Variants in KCND2 observed in about 807,000 individuals in gnomAD.
KCND2 encodes the protein potassium voltage-gated channel subfamily D member 2, also known as A-type voltage-gated potassium channel KCND2.
In KCND2, 16 loss-of-function variants were observed where a neutral mutation model predicts 54.4. The ratio of observed to expected loss-of-function variants is 0.29; its 90% confidence interval spans 0.20 to 0.45. KCND2 has a LOEUF of 0.45. KCND2 is among the 20% of genes least tolerant of loss of function. The probability of loss-of-function intolerance (pLI) is 1.00; values close to 1 mark genes in which losing one functional copy is unlikely to be tolerated. For synonymous variants in KCND2, 317 were observed against 310.7 expected (o/e 1.02, Z -0.21); for missense variants, 486 against 824.2 (o/e 0.59, Z 5.02).
At chr7:120,505,783 G>C (rs1803006718) in intron 1 of KCND2, among the ~76,000 whole-genome samples, 1 of 151,734 alleles carries the variant, frequency 6.6e-6, no homozygotes, top group South Asian at 2.1e-4. Flanking sequence ...TACTATTAGA[G>C]AAGAGTAGGG....
chr7:120,359,958 G>T (rs962561455), intron 1 of KCND2, among the ~76,000 whole-genome samples: 5 of 152,002 alleles, frequency 3.3e-5, no homozygotes, highest in Non-Finnish European at 7.4e-5. Context: ...GTTTCCTGAG[G>T]ACTGCTCAGC....
At chr7:120,534,222 A>G (rs987992084) in intron 1 of KCND2, among the ~76,000 whole-genome samples, 1 of 152,108 alleles carries the variant, frequency 6.6e-6, no homozygotes, top group African/African-American at 2.4e-5. Flanking sequence ...AAGCTTGAAA[A>G]ACATTATCTT....
intron 1 of KCND2, among the ~76,000 whole-genome samples, chr7:120,631,696 T>G (rs1460911471): frequency 6.6e-6 from 1 of 152,188 alleles, no homozygotes; most frequent in Non-Finnish European, 1.5e-5. Flanking sequence ...CTTTTATATC[T>G]GTAAATAGAA....
At chr7:120,699,110 C>T (rs1350135653) in intron 1 of KCND2, among the ~76,000 whole-genome samples, 1 of 151,908 alleles carries the variant, frequency 6.6e-6, no homozygotes, top group African/African-American at 2.4e-5. Flanking sequence ...GAAACCCTGT[C>T]TCCACTAAAA....
chr7:120,356,480 G>A (rs1254531447), intron 1 of KCND2, among the ~76,000 whole-genome samples: 1 of 152,116 alleles, frequency 6.6e-6, no homozygotes, highest in Non-Finnish European at 1.5e-5. Context: ...TCCGGCAGTA[G>A]TATATCATGT....
chr7:120,443,518 TCTC>T (rs1003996299), intron 1 of KCND2, among the ~76,000 whole-genome samples: 1 of 151,960 alleles, frequency 6.6e-6, no homozygotes, highest in Non-Finnish European at 1.5e-5. Context: ...TCCTCAGTGA[TCTC>T]CTCATTGCAG....
intron 1 of KCND2, among the ~76,000 whole-genome samples, chr7:120,515,991 C>G (rs1405407370): frequency 6.6e-6 from 1 of 152,028 alleles, no homozygotes; most frequent in Non-Finnish European, 1.5e-5. Context: ...TTAATTATAC[C>G]TCTTCTCAGC....
intron 1 of KCND2, among the ~76,000 whole-genome samples, chr7:120,300,904 G>T (rs1799577301): frequency 6.6e-6 from 1 of 152,004 alleles, no homozygotes; most frequent in African/African-American, 2.4e-5. Flanking sequence ...TTATTATTTA[G>T]TATTAATATG....
chr7:120,349,428 G>A (rs568113058), intron 1 of KCND2, among the ~76,000 whole-genome samples: 60 of 152,112 alleles, frequency 3.9e-4, no homozygotes, highest in African/African-American at 1.3e-3. Flanking sequence ...TGTCTTTGTT[G>A]TTTAACCCAG....
intron 1 of KCND2, among the ~76,000 whole-genome samples, chr7:120,528,187 T>TA (rs1467103404): frequency 6.6e-6 from 1 of 152,146 alleles, no homozygotes; most frequent in African/African-American, 2.4e-5. Context: ...CATTACTCTT[T>TA]AAATTGGATC....
At chr7:120,635,534 A>T (rs868468015) in intron 1 of KCND2, among the ~76,000 whole-genome samples, 7 of 152,232 alleles carry the variant, frequency 4.6e-5, no homozygotes, top group African/African-American at 1.4e-4. Flanking sequence ...AAAGATTGAA[A>T]GTACAACAAA....
intron 1 of KCND2, among the ~76,000 whole-genome samples, chr7:120,346,557 T>A (rs539140988): frequency 6.6e-6 from 1 of 152,266 alleles, no homozygotes; most frequent in East Asian, 1.9e-4. Context: ...CAAAGACATT[T>A]TAAATAAACG....
At position 120,352,459 on chromosome 7, in the gene KCND2, TACACACACACAC is replaced by T. The variant is rs199700951; in HGVS notation, c.1115+76740_1115+76751del. 1.9e-3 allele frequency among the ~76,000 whole-genome samples: 289 copies of T among 148,218 alleles called. 1 individual carries two copies. The highest frequency in any genetic ancestry group is 3.2e-3 in the Non-Finnish European group (213 of 67,214). ...ATACAAATATATATACACACATACATACACACACACACACACACACACACACACACACACACA... is the reference window on the plus strand; with the variant it reads ...ATACAAATATATATACACACATACATACACACACACACACACACACACACA... On this transcript the variant is annotated intron_variant, in intron 1 of 5. Coordinates refer to ENST00000331113, the MANE Select transcript of KCND2 (RefSeq NM_012281.3).
At chr7:120,307,819 TA>T (rs374754435) in intron 1 of KCND2, among the ~76,000 whole-genome samples, 3 of 152,158 alleles carry the variant, frequency 2.0e-5, no homozygotes, top group African/African-American at 7.2e-5. Flanking sequence ...TTCTCTGGGC[TA>T]TTTCATTAAC....
chr7:120,548,699 C>T (rs975849880), intron 1 of KCND2, among the ~76,000 whole-genome samples: 2 of 152,124 alleles, frequency 1.3e-5, no homozygotes, highest in African/African-American at 2.4e-5. Context: ...GTAGCTTTCC[C>T]TCAGGAAGTA....
chr7:120,552,588 T>G (rs556616583), intron 1 of KCND2, among the ~76,000 whole-genome samples: 1 of 152,310 alleles, frequency 6.6e-6, no homozygotes, highest in South Asian at 2.1e-4. Flanking sequence ...GAGTGTGAGC[T>G]AAGAGCAGTA....
At chr7:120,472,271 CAT>C (rs993436303) in intron 1 of KCND2, among the ~76,000 whole-genome samples, 2 of 151,436 alleles carry the variant, frequency 1.3e-5, no homozygotes, top group African/African-American at 4.9e-5. Context: ...AGGTAAATGA[CAT>C]ATATATGTAG....
chr7:120,530,674 C>T (rs963683162), intron 1 of KCND2, among the ~76,000 whole-genome samples: 3 of 152,064 alleles, frequency 2.0e-5, no homozygotes, highest in African/African-American at 7.2e-5. Context: ...AATCATCAAA[C>T]GCAACATGTC....
chr7:120,651,474 A>T (rs1791732475), intron 1 of KCND2, among the ~76,000 whole-genome samples: 1 of 152,202 alleles, frequency 6.6e-6, no homozygotes, highest in South Asian at 2.1e-4. Context: ...AAAGTGCAGT[A>T]TTAGGGTGGG....
Sources: allele counts gnomAD v4.1 joint callset (sites outside exome capture counted in the v4.1 genomes callset), GRCh38; gene constraint gnomAD v4.1.1; transcripts MANE v1.5; gene names NCBI Gene and HGNC (gene_info 2026-07-23, HGNC 2026-07-21).